The following DAB1 variants were observed in gnomAD, a reference collection of about 807,000 sequenced individuals.
DAB1 encodes the protein DAB adaptor protein 1, also known as disabled homolog 1.
A neutral mutation model predicts 64.6 loss-of-function variants in DAB1; 15 were observed. That is an observed-to-expected ratio of 0.23 (90% CI 0.16 to 0.36). The LOEUF is 0.36. Ranked by LOEUF, DAB1 falls within the 10% of genes least tolerant of loss-of-function variation. The pLI, the probability that DAB1 is intolerant of heterozygous loss-of-function variation, is 1.00. For synonymous variants in DAB1, 235 were observed against 251.9 expected, an observed-to-expected ratio of 0.93 and a Z score of 0.64; for missense variants, 596 against 706.7, an observed-to-expected ratio of 0.84 and a Z score of 1.78.
At chr1:58,030,252 T>C (rs1229328108) in intron 5 of DAB1, among the ~76,000 whole-genome samples, 1 of 152,248 alleles carries the variant, frequency 6.6e-6, no homozygotes, top group East Asian at 1.9e-4. Flanking sequence ...GTGTGCATAT[T>C]ACTAAAAACA....
chr1:57,324,141 C>T (rs1322787208), intron 1 of DAB1, among the ~76,000 whole-genome samples: 1 of 152,172 alleles, frequency 6.6e-6, no homozygotes, highest in Non-Finnish European at 1.5e-5. Context: ...CAGATTAAAA[C>T]GTTTCAAATT....
At chr1:57,174,615 C>T (rs1662107611) in intron 2 of DAB1, among the ~76,000 whole-genome samples, 1 of 152,118 alleles carries the variant, frequency 6.6e-6, no homozygotes, top group Non-Finnish European at 1.5e-5. Flanking sequence ...ATATGCTTTA[C>T]TTTACTGCCT....
At chr1:58,051,474 A>C (rs764995862) in intron 5 of DAB1, among the ~76,000 whole-genome samples, 3 of 152,066 alleles carry the variant, frequency 2.0e-5, no homozygotes, top group African/African-American at 4.8e-5. Context: ...TGGTTCCAAG[A>C]CTTTGCTATT....
chr1:58,417,116 G>T (rs921216366), intron 3 of DAB1, among the ~76,000 whole-genome samples: 1 of 152,200 alleles, frequency 6.6e-6, no homozygotes, highest in Non-Finnish European at 1.5e-5. Context: ...GTAAAGGGCT[G>T]TACACATGGG....
chr1:57,222,672 A>G (rs1666971387), intron 2 of DAB1, among the ~76,000 whole-genome samples: 1 of 152,186 alleles, frequency 6.6e-6, no homozygotes, highest in Non-Finnish European at 1.5e-5. Flanking sequence ...ACTACAGTAC[A>G]GGTTCACATA....
intron 3 of DAB1, among the ~76,000 whole-genome samples, chr1:58,412,335 T>G (rs1010673846): frequency 2.0e-5 from 3 of 152,034 alleles, no homozygotes; most frequent in African/African-American, 2.4e-5. Context: ...ATTCCTGGAC[T>G]TCTCAGTTAT....
intron 7 of DAB1, among the ~76,000 whole-genome samples, chr1:57,480,925 C>T (rs1314992291): frequency 1.3e-5 from 2 of 152,096 alleles, no homozygotes; most frequent in Non-Finnish European, 2.9e-5. Flanking sequence ...CTTTCTTTTT[C>T]TTCGTCAAGG....
Position 57,011,191 on chromosome 1 carries a change from A to C in DAB1, c.1526T>G (p.Phe509Cys). The part of the protein sequence containing the change: ...HASDPTTDDI[F>C]EEGFESPSKS... ...GCTGGGACTTTCAAAGCCCTCTTCA[A>C]AGATGTCATCTGTGGTAGGATCACT... The change falls in exon 13 of 15, where the codon TTT (phenylalanine) becomes TGT (cysteine). Residue 509 changes from phenylalanine to cysteine, a missense_variant. Around this residue, in one of 3 missense-constraint regions of DAB1, gnomAD observed 377 missense variants for 400.4 expected, o/e 0.94. Coordinates refer to ENST00000371236, the MANE Select transcript of DAB1 (RefSeq NM_001365792.1). 6.2e-7 allele frequency: 1 copy of C among 1,614,036 alleles called. No homozygotes were observed. The highest frequency in any genetic ancestry group is 8.5e-7 in the Non-Finnish European group (1 of 1,179,890).
Position 57,024,072 on chromosome 1 carries a change from T to G in DAB1, c.787-433A>C, listed in dbSNP as rs989761243. 5.9e-5 allele frequency among the ~76,000 whole-genome samples: 9 copies of G among 152,184 alleles called. No homozygotes were observed. In the East Asian group the frequency reaches 1.5e-3, roughly 26 times the overall value. On this transcript the variant is annotated intron_variant, in intron 10 of 14. Coordinates refer to ENST00000371236, the MANE Select transcript of DAB1 (RefSeq NM_001365792.1). ...ACTCAAGACCTACTGTGTGCCCAGC[T>G]CAGGGGTTGCAATTTAATACACGGT...
At chr1:57,214,853 G>A (rs146895863) in intron 2 of DAB1, among the ~76,000 whole-genome samples, 3,492 of 142,146 alleles carry the variant, frequency 0.025, 60 homozygotes, top group Non-Finnish European at 0.038. Context: ...GGAGCTTGTC[G>A]TGAGCTGAGA....
intron 3 of DAB1, among the ~76,000 whole-genome samples, chr1:58,416,678 TTC>T: frequency 6.6e-6 from 1 of 152,352 alleles, no homozygotes; most frequent in Non-Finnish European, 1.5e-5. Context: ...CTACTTTTTT[TTC>T]TGTCTCTATT....
At chr1:57,556,808 G>T (rs1274346500) in intron 7 of DAB1, among the ~76,000 whole-genome samples, 1 of 152,074 alleles carries the variant, frequency 6.6e-6, no homozygotes, top group Non-Finnish European at 1.5e-5. Context: ...ATTTATCCTT[G>T]TTTTTTGTTG....
At chr1:57,959,638 A>G (rs554390712) in intron 5 of DAB1, among the ~76,000 whole-genome samples, 1 of 152,260 alleles carries the variant, frequency 6.6e-6, no homozygotes, top group South Asian at 2.1e-4. Flanking sequence ...ATTATCTTGT[A>G]GCTCTTCTTA....
chr1:57,574,207 G>A lies in DAB1; in HGVS notation n.625+75385C>T, dbSNP rs367774236. On this transcript the variant is annotated intron_variant and non_coding_transcript_variant, in intron 7 of 20. Transcript: ENST00000485760. ...AGGCCATGGTGGCTATCAGGTAGTC[G>A]TAGTCCTTTTGTTTCACCATGACCT... Among the ~76,000 whole-genome samples, 17 of 152,250 alleles carry A rather than the reference G, an allele frequency of 1.1e-4. No individual in the cohort carries two copies. The South Asian group carries it at 1.7e-3, about 15-fold the overall frequency.
At chr1:58,314,971 A>G (rs11806276) in intron 4 of DAB1, among the ~76,000 whole-genome samples, 22,455 of 152,208 alleles carry the variant, frequency 0.15, 1,764 homozygotes, top group African/African-American at 0.19. Flanking sequence ...CAAACAATGA[A>G]CATCCAGTGA....
chr1:57,837,150 G>C (rs554452048), intron 1 of DAB1, among the ~76,000 whole-genome samples: 4 of 152,136 alleles, frequency 2.6e-5, no homozygotes, highest in Non-Finnish European at 5.9e-5. Flanking sequence ...TTTCCTCTTT[G>C]ATTTTCTATC....
chr1:58,511,546 C>T (rs1164123423), intron 2 of DAB1, among the ~76,000 whole-genome samples: 1 of 151,972 alleles, frequency 6.6e-6, no homozygotes, highest in East Asian at 1.9e-4. Context: ...GGAGGATCAC[C>T]TGAGCCTGGG....
chr1:57,592,489 C>G (rs1645457170), intron 7 of DAB1, among the ~76,000 whole-genome samples: 1 of 151,808 alleles, frequency 6.6e-6, no homozygotes, highest in African/African-American at 2.4e-5. Context: ...ACGTGGGATT[C>G]TTGATATGAC....
rs181962285 is a variant in DAB1 at position 58,079,553 on chromosome 1, C to T, written n.387+70958G>A. Among the ~76,000 whole-genome samples the T allele has an allele frequency of 4.4e-4, 52 of 118,660 alleles. 1 individual carries two copies. In the East Asian group the frequency reaches 0.013, roughly 31 times the overall value. The allele number at this position is 118,660 out of a possible 152,430, so 77.8% of individuals were successfully genotyped here. Reference sequence around the variant, plus strand: ...TTTTTTTTTTTTTGAGATGGAGTCTCGCTCTGTCGCCCAGGTTGGAGTGCA... The same window carrying T: ...TTTTTTTTTTTTTGAGATGGAGTCTTGCTCTGTCGCCCAGGTTGGAGTGCA... On this transcript the variant is annotated intron_variant and non_coding_transcript_variant, in intron 5 of 20. Transcript: ENST00000485760.
Sources: allele counts gnomAD v4.1 joint callset (sites outside exome capture counted in the v4.1 genomes callset), GRCh38; gene constraint gnomAD v4.1.1; regional missense constraint gnomAD v4.1.1; transcripts MANE v1.5; gene names NCBI Gene and HGNC (gene_info 2026-07-23, HGNC 2026-07-21).